The following GRM4 variants were observed in gnomAD, a reference collection of about 807,000 sequenced individuals.
GRM4 encodes the protein metabotropic glutamate receptor 4.
Under a neutral mutation model 81.7 loss-of-function variants are expected in GRM4, and 28 were observed. The ratio of observed to expected loss-of-function variants is 0.34; its 90% CI spans 0.25 to 0.47. GRM4 has a LOEUF of 0.47. GRM4 is among the 20% of genes least tolerant of loss of function. GRM4 has a pLI of 1.00. For missense variants in GRM4, 948 were observed against 1,290.0 expected (o/e 0.73, Z 4.06); for synonymous variants, 488 against 528.8 (o/e 0.92, Z 1.06).
At chr6:34,097,657 C>CA (rs1298701549) in intron 2 of GRM4, among the ~76,000 whole-genome samples, 1 of 152,224 alleles carries the variant, frequency 6.6e-6, no homozygotes, top group Admixed American at 6.5e-5. Flanking sequence ...CCGCTGAGGG[C>CA]AGCTGGTCCA....
chr6:34,104,361 G>A (rs1308551930), intron 2 of GRM4, among the ~76,000 whole-genome samples: 2 of 152,208 alleles, frequency 1.3e-5, no homozygotes, highest in East Asian at 1.9e-4. Flanking sequence ...TGGAGTGTTC[G>A]TGTCATCATA....
intron 1 of GRM4, among the ~76,000 whole-genome samples, chr6:34,137,448 T>A (rs1228026550): frequency 6.6e-6 from 1 of 152,214 alleles, no homozygotes; most frequent in Admixed American, 6.5e-5. Context: ...AGCTGCAGAC[T>A]ACCCCTTTCC....
intron 1 of GRM4, among the ~76,000 whole-genome samples, chr6:34,141,922 C>A (rs1445219732): frequency 2.0e-5 from 3 of 152,104 alleles, no homozygotes; most frequent in Non-Finnish European, 2.9e-5. Context: ...GGAGAGGGAG[C>A]CCAGAGAGAG....
intron 2 of GRM4, among the ~76,000 whole-genome samples, chr6:34,116,841 G>C (rs1192608548): frequency 6.6e-6 from 1 of 152,174 alleles, no homozygotes; most frequent in Non-Finnish European, 1.5e-5. Flanking sequence ...CAGAGCAATA[G>C]AAGTGAGCAA....
chr6:34,146,645 A>G (rs1770939534), upstream of GRM4, among the ~76,000 whole-genome samples: 1 of 152,192 alleles, frequency 6.6e-6, no homozygotes, highest in African/African-American at 2.4e-5. Flanking sequence ...GAGGGAGCAC[A>G]ACACTGTGCC....
chr6:34,035,583 G>A lies in GRM4; in HGVS notation c.2442+85C>T, dbSNP rs193212536. 445 of 693,832 alleles carry A rather than the reference G, an allele frequency of 6.4e-4. No homozygotes were observed. The highest frequency in any genetic ancestry group is 1.6e-3 in the Admixed American group (49 of 31,258). 43.0% of individuals were successfully genotyped at this position (693,832 alleles called of 1,614,324 possible). A position where few individuals can be genotyped will look rare whatever the true frequency, so the allele number is the denominator to read the frequency against. On this transcript the variant is annotated intron_variant, in intron 9 of 10. Transcript: ENST00000538487. The surrounding 1 kb of genome is among the most constrained non-coding windows in gnomAD (Gnocchi z 6.6). ...ATGAAAGAAGGCATTTCTGGAGCAG[G>A]GGGGAGGCCAGCCAGCCTCAGGAGG... is the stretch of plus-strand genomic sequence containing the variant.
chr6:34,038,269 T>C (rs1016062155), intron 8 of GRM4, among the ~76,000 whole-genome samples: 6 of 152,284 alleles, frequency 3.9e-5, no homozygotes, highest in African/African-American at 1.4e-4. Context: ...TTTTCTCATC[T>C]GATCCAATGA....
At position 34,080,585 on chromosome 6, in the gene GRM4, C is replaced by T. The variant is rs940670453; in HGVS notation, c.736+11298G>A. On this transcript the variant is annotated intron_variant, in intron 3 of 10. Coordinates refer to ENST00000538487, the MANE Select transcript of GRM4 (RefSeq NM_000841.4). This position sits in a 1 kb window ranked among gnomAD's most constrained non-coding sequence, Gnocchi z 5.4. ...GAGGGCAGAAGGAAAAAAATGGCCA[C>T]GCCCCTCCTCACCAGCCATACCCCT... 3.3e-5 allele frequency among the ~76,000 whole-genome samples: 5 copies of T among 152,232 alleles called. No individual in the cohort carries two copies. The highest frequency in any genetic ancestry group is 2.1e-4 in the South Asian group (1 of 4,820).
At chr6:34,043,633 GAA>G (rs921207030) in intron 6 of GRM4, among the ~76,000 whole-genome samples, 10 of 152,142 alleles carry the variant, frequency 6.6e-5, no homozygotes, top group Admixed American at 6.5e-4. Flanking sequence ...GATCTCTGGG[GAA>G]ACACACCTCC....
chr6:34,101,699 G>T (rs924920543), intron 2 of GRM4, among the ~76,000 whole-genome samples: 2 of 152,238 alleles, frequency 1.3e-5, no homozygotes, highest in Admixed American at 6.5e-5. Context: ...ACAAAAGATC[G>T]GGCAGGAGCC....
chr6:34,154,590 T>TACAC (rs57603011), intron 1 of GRM4, among the ~76,000 whole-genome samples: 19,302 of 144,866 alleles, frequency 0.13, 1,599 homozygotes, highest in Admixed American at 0.22. Flanking sequence ...TGGTCCTGAC[T>TACAC]ACACACACAC....
rs1768264462 is a variant in GRM4, at chr6:34,092,125, G to A, written c.520-26C>T. 1 of 1,508,730 alleles carries A rather than the reference G, an allele frequency of 6.6e-7. No individual in the cohort carries two copies. The highest frequency in any genetic ancestry group is 9.1e-7 in the Non-Finnish European group (1 of 1,095,470). The allele number at this position is 1,508,730 out of a possible 1,614,324, so 93.5% of individuals were successfully genotyped here. Reference sequence around the variant, plus strand: ...CTGAGGGGCGAGAGGGGCTGCTGAGGGTGGCGACTGGCTCCCCACCCTGCC... The same window carrying A: ...CTGAGGGGCGAGAGGGGCTGCTGAGAGTGGCGACTGGCTCCCCACCCTGCC... On this transcript the variant is annotated intron_variant, in intron 2 of 10. Transcript: ENST00000538487. This position sits in a 1 kb window ranked among gnomAD's most constrained non-coding sequence, Gnocchi z 6.8.
intron 5 of GRM4, among the ~76,000 whole-genome samples, chr6:34,056,917 G>A (rs946347931): frequency 6.6e-5 from 10 of 152,228 alleles, no homozygotes; most frequent in Non-Finnish European, 1.0e-4. Context: ...CTGCCTTTAT[G>A]GAAGAGAAGC....
At chr6:34,044,189 T>C (rs964290332) in intron 6 of GRM4, among the ~76,000 whole-genome samples, 2 of 143,922 alleles carry the variant, frequency 1.4e-5, no homozygotes, top group African/African-American at 2.7e-5. Context: ...CATACACATA[T>C]ATACACACAC....
rs781417322 is a variant in GRM4 at position 34,041,574 on chromosome 6, G to A, written c.1169-826C>T. Among the ~76,000 whole-genome samples, 3 of 152,078 alleles carry A rather than the reference G, an allele frequency of 2.0e-5. No homozygotes were observed. The East Asian group carries it at 5.8e-4, about 29-fold the overall frequency. On this transcript the variant is annotated intron_variant, in intron 6 of 10. Transcript: ENST00000538487. ...CTGTGCAGCCTCCTTGGTTGTCCAC[G>A]TCAGCAAAAAGGGGATCATGATCCC...
intron 6 of GRM4, among the ~76,000 whole-genome samples, chr6:34,053,582 C>A (rs1383310297): frequency 1.3e-5 from 2 of 152,210 alleles, no homozygotes. Context: ...AGAGCCCCTG[C>A]CCTTTTGCTC....
At chr6:34,137,360 C>T (rs370201897) in intron 1 of GRM4, among the ~76,000 whole-genome samples, 2 of 152,364 alleles carry the variant, frequency 1.3e-5, no homozygotes, top group East Asian at 3.9e-4. Flanking sequence ...CTCCACATAG[C>T]AACAGCTCTC....
At chr6:34,031,725 C>A (rs1042851424) in intron 9 of GRM4, among the ~76,000 whole-genome samples, 2 of 152,190 alleles carry the variant, frequency 1.3e-5, no homozygotes, top group African/African-American at 2.4e-5. Context: ...CCCTGGAAAT[C>A]CGGGCTAAGG....
In GRM4 at chr6:34,036,142, T is replaced by A. The variant is rs1764696228; in HGVS notation, c.1968A>T (p.Arg656=). The change falls in exon 9 of 11, where the codon CGA becomes CGT. Residue 656 remains arginine (R), a synonymous_variant. Coordinates refer to ENST00000538487, the MANE Select transcript of GRM4 (RefSeq NM_000841.4). This position sits in a 1 kb window ranked among gnomAD's most constrained non-coding sequence, Gnocchi z 9.0. ...EPDLGTCSLR[R]IFLGLGMSIS... is the part of the protein sequence containing the mutation. ...TGCTCATCCCTAGTCCCAGGAAGAT[T>A]CGGCGCAGCGAGCAGGTGCCAAGGT... 1 of 1,614,162 alleles carries A rather than the reference T, an allele frequency of 6.2e-7. No individual in the cohort carries two copies. The highest frequency in any genetic ancestry group is 8.5e-7 in the Non-Finnish European group (1 of 1,180,008).
Sources: gnomAD v4.1 joint callset for allele counts (sites outside exome capture counted in the v4.1 genomes callset) on GRCh38, gnomAD v4.1.1 for gene constraint, Gnocchi (gnomAD v3.1) non-coding constraint, MANE v1.5 for transcripts, NCBI Gene and HGNC (gene_info 2026-07-23, HGNC 2026-07-21) for gene names.